RBFOX1: variants seen among roughly 807,000 people sequenced by gnomAD.
The protein encoded by RBFOX1 is RNA binding protein fox-1 homolog 1.
Under a neutral mutation model 57.7 loss-of-function variants are expected in RBFOX1, and 8 were observed. The ratio of observed to expected loss-of-function variants is 0.14; its 90% CI spans 0.08 to 0.25. The LOEUF (loss-of-function observed/expected upper bound fraction) is 0.25. Ranked by LOEUF, RBFOX1 falls within the 10% of genes least tolerant of loss-of-function variation. The pLI is 1.00. For missense variants in RBFOX1, 611 were observed against 548.5 expected, an observed-to-expected ratio of 1.11 and a Z score of -1.14; for synonymous variants, 326 against 222.4, an observed-to-expected ratio of 1.47 and a Z score of -4.15.
intron 1 of RBFOX1, among the ~76,000 whole-genome samples, chr16:6,146,204 A>G (rs1158697365): frequency 6.6e-6 from 1 of 152,192 alleles, no homozygotes; most frequent in African/African-American, 2.4e-5. Context: ...AGGCAGGAGA[A>G]GCCAGGAGAG....
At chr16:7,015,406 G>A (rs145350361) in intron 3 of RBFOX1, among the ~76,000 whole-genome samples, 17 of 152,244 alleles carry the variant, frequency 1.1e-4, no homozygotes, top group South Asian at 6.2e-4. Flanking sequence ...AACTTGAGCC[G>A]TATTATAGAC....
intron 4 of RBFOX1, among the ~76,000 whole-genome samples, chr16:5,964,507 G>A (rs2059807150): frequency 6.6e-6 from 1 of 152,062 alleles, no homozygotes; most frequent in Non-Finnish European, 1.5e-5. Context: ...AATGGTGGAT[G>A]AATGGATATG....
rs1284385628 is a variant in RBFOX1, at chr16:6,637,119, A to AATATAC, written c.-63-17483_-63-17482insTATACA. Among the ~76,000 whole-genome samples, 361 of 92,164 alleles carry AATATAC rather than the reference A, an allele frequency of 3.9e-3. 46 individuals carry two copies. The highest frequency in any genetic ancestry group is 9.5e-3 in the African/African-American group (194 of 20,386). 60.5% of individuals were successfully genotyped at this position (92,164 alleles called of 152,430 possible). A position where few individuals can be genotyped will look rare whatever the true frequency, so the allele number is the denominator to read the frequency against. ...TAAATATATATATTATATAATATAT[A>AATATAC]AATTTATATTATATATTAAATATAT... On this transcript the variant is annotated intron_variant, in intron 2 of 15. Coordinates refer to ENST00000550418, the MANE Select transcript of RBFOX1 (RefSeq NM_018723.4).
chr16:7,329,861 G>A (rs1257341690), intron 4 of RBFOX1, among the ~76,000 whole-genome samples: 2 of 152,152 alleles, frequency 1.3e-5, no homozygotes, highest in Non-Finnish European at 2.9e-5. Flanking sequence ...TCTCTATCCT[G>A]TATGTAATAT....
chr16:5,873,932 A>G (rs1414560941), intron 4 of RBFOX1, among the ~76,000 whole-genome samples: 1 of 152,192 alleles, frequency 6.6e-6, no homozygotes, highest in East Asian at 1.9e-4. Flanking sequence ...GAGATGGGAA[A>G]AAAGCTGCCT....
intron 9 of RBFOX1, among the ~76,000 whole-genome samples, chr16:7,597,786 G>A (rs1214911634): frequency 2.0e-5 from 3 of 152,188 alleles, no homozygotes; most frequent in South Asian, 2.1e-4. Context: ...CCATCTGCTC[G>A]TTGATTACTA....
At chr16:5,995,540 G>C (rs142723455) in intron 4 of RBFOX1, among the ~76,000 whole-genome samples, 1 of 152,358 alleles carries the variant, frequency 6.6e-6, no homozygotes, top group African/African-American at 2.4e-5. Flanking sequence ...AGAAATGTGA[G>C]AGGGGACAAA....
At chr16:7,440,720 G>C (rs929007828) in intron 4 of RBFOX1, among the ~76,000 whole-genome samples, 2 of 152,128 alleles carry the variant, frequency 1.3e-5, no homozygotes, top group African/African-American at 4.8e-5. Flanking sequence ...TTTAGGGCTG[G>C]GGAGGAGGGA....
intron 3 of RBFOX1, among the ~76,000 whole-genome samples, chr16:7,016,301 A>G (rs968604343): frequency 6.6e-6 from 1 of 152,134 alleles, no homozygotes; most frequent in East Asian, 1.9e-4. Flanking sequence ...CTTCTGCCAT[A>G]CTATTCAAAC....
chr16:5,900,067 G>C (rs987188401), intron 4 of RBFOX1, among the ~76,000 whole-genome samples: 1 of 152,194 alleles, frequency 6.6e-6, no homozygotes, highest in Admixed American at 6.5e-5. Flanking sequence ...GACAGAGCAA[G>C]ACTCTGTCTC....
chr16:6,413,087 A>C (rs1319714426), intron 2 of RBFOX1, among the ~76,000 whole-genome samples: 1 of 152,200 alleles, frequency 6.6e-6, no homozygotes, highest in Non-Finnish European at 1.5e-5. Context: ...TGGGAGGCCA[A>C]GGCGGGTGGA....
At chr16:6,862,595 C>T (rs2059207680) in intron 3 of RBFOX1, among the ~76,000 whole-genome samples, 1 of 152,146 alleles carries the variant, frequency 6.6e-6, no homozygotes, top group Non-Finnish European at 1.5e-5. Context: ...GTTCATGTTA[C>T]AGGCAGAGGA....
At chr16:6,579,027 C>T (rs2153969561) in intron 2 of RBFOX1, among the ~76,000 whole-genome samples, 1 of 151,902 alleles carries the variant, frequency 6.6e-6, no homozygotes, top group African/African-American at 2.4e-5. Flanking sequence ...ACCTGTTTTC[C>T]CAAAACCTAT....
At chr16:6,554,552 A>G (rs1567661973) in intron 2 of RBFOX1, among the ~76,000 whole-genome samples, 1 of 152,210 alleles carries the variant, frequency 6.6e-6, no homozygotes, top group Non-Finnish European at 1.5e-5. Flanking sequence ...CTATCTCAAT[A>G]AAACTGGTTT....
intron 13 of RBFOX1, among the ~76,000 whole-genome samples, chr16:7,671,169 A>C (rs1001033037): frequency 6.6e-6 from 1 of 152,256 alleles, no homozygotes; most frequent in Non-Finnish European, 1.5e-5. Context: ...TAAGGCATTC[A>C]TCTTAAATCC....
At chr16:7,424,284 G>C (rs2098583532) in intron 4 of RBFOX1, among the ~76,000 whole-genome samples, 1 of 151,932 alleles carries the variant, frequency 6.6e-6, no homozygotes. Context: ...ATGGGGGTGG[G>C]GGTCTAGCTC....
intron 3 of RBFOX1, among the ~76,000 whole-genome samples, chr16:6,884,507 C>T (rs552793269): frequency 1.4e-4 from 21 of 152,272 alleles, no homozygotes; most frequent in Non-Finnish European, 2.8e-4. Context: ...TTGCAAGGAA[C>T]TGTGTTGATG....
intron 2 of RBFOX1, among the ~76,000 whole-genome samples, chr16:6,372,705 T>C (rs2090618559): frequency 6.6e-6 from 1 of 151,360 alleles, no homozygotes; most frequent in Admixed American, 6.6e-5. Flanking sequence ...GATAGGAGGA[T>C]AGTTGGGTGG....
intron 3 of RBFOX1, among the ~76,000 whole-genome samples, chr16:7,043,137 A>G (rs534168273): frequency 1.6e-4 from 23 of 147,582 alleles, no homozygotes; most frequent in Admixed American, 1.1e-3. Flanking sequence ...CCCAACTCCT[A>G]TTTACTCAGT....
Sources: gnomAD v4.1 joint callset for allele counts (sites outside exome capture counted in the v4.1 genomes callset) on GRCh38, gnomAD v4.1.1 for gene constraint, MANE v1.5 for transcripts, NCBI Gene and HGNC (gene_info 2026-07-23, HGNC 2026-07-21) for gene names.